Variants in SSBP3 observed in about 807,000 individuals in gnomAD.
The protein encoded by SSBP3 is single stranded DNA binding protein 3.
Under a neutral mutation model 69.6 loss-of-function variants are expected in SSBP3, and 5 were observed. That is an observed-to-expected ratio of 0.07 (90% confidence interval 0.04 to 0.15). The LOEUF (loss-of-function observed/expected upper bound fraction) is 0.15, where lower values mean the gene tolerates loss of function less well. Ranked by LOEUF, SSBP3 falls within the 10% of genes least tolerant of loss-of-function variation. The pLI is 1.00. For missense variants in SSBP3, 312 were observed against 534.0 expected (o/e 0.58, Z 4.10); for synonymous variants, 196 against 193.4 (o/e 1.01, Z -0.11).
intron 4 of SSBP3, among the ~76,000 whole-genome samples, chr1:54,339,226 G>C (rs1200298017): frequency 6.6e-6 from 1 of 152,144 alleles, no homozygotes; most frequent in African/African-American, 2.4e-5. Context: ...TTATCCCATG[G>C]GTTACTAGGA....
intron 4 of SSBP3, among the ~76,000 whole-genome samples, chr1:54,392,641 G>A (rs796546642): frequency 1.3e-5 from 2 of 152,272 alleles, no homozygotes; most frequent in African/African-American, 2.4e-5. Context: ...TCATTAAAAC[G>A]AGTACTTAGC....
At chr1:54,346,024 G>A (rs1468390548) in intron 4 of SSBP3, among the ~76,000 whole-genome samples, 1 of 151,884 alleles carries the variant, frequency 6.6e-6, no homozygotes, top group Non-Finnish European at 1.5e-5. Context: ...TTAGCCAAGT[G>A]TGGCAGCACA....
chr1:54,253,383 G>C (rs551620632), intron 7 of SSBP3, among the ~76,000 whole-genome samples: 1 of 151,472 alleles, frequency 6.6e-6, no homozygotes, highest in Non-Finnish European at 1.5e-5. Flanking sequence ...GTATTGATGG[G>C]GTCTCACTAT....
chr1:54,396,539 G>A (rs1487775776), intron 4 of SSBP3, among the ~76,000 whole-genome samples: 2 of 152,044 alleles, frequency 1.3e-5, no homozygotes, highest in African/African-American at 2.4e-5. Flanking sequence ...GAAGTCATGG[G>A]AAGGGGGCCA....
At chr1:54,279,478 T>C (rs1645352587) in intron 5 of SSBP3, among the ~76,000 whole-genome samples, 1 of 152,212 alleles carries the variant, frequency 6.6e-6, no homozygotes, top group African/African-American at 2.4e-5. Flanking sequence ...CAATGGCCTA[T>C]TTTTAAAACA....
chr1:54,228,939 G>A (rs985015298), intron 14 of SSBP3, 113 bp from the exon 15 acceptor site: 17 of 1,112,436 alleles, frequency 1.5e-5, no homozygotes, highest in African/African-American at 3.1e-5. Context: ...CCCCTGCTCC[G>A]GCAGGCTCTG....
chr1:54,360,158 A>G (rs1208820677), intron 4 of SSBP3, among the ~76,000 whole-genome samples: 1 of 152,140 alleles, frequency 6.6e-6, no homozygotes, highest in Non-Finnish European at 1.5e-5. Context: ...CTGCTGATTC[A>G]CCTATCTCCT....
At chr1:54,304,104 G>T (rs1358922390) in intron 4 of SSBP3, among the ~76,000 whole-genome samples, 1 of 152,142 alleles carries the variant, frequency 6.6e-6, no homozygotes, top group African/African-American at 2.4e-5. Context: ...TGTGGCAAAG[G>T]GGGTACTCCT....
chr1:54,390,905 C>A (rs138494553), intron 4 of SSBP3, among the ~76,000 whole-genome samples: 20 of 152,328 alleles, frequency 1.3e-4, no homozygotes, highest in African/African-American at 4.6e-4. Context: ...TAAAAGCCGG[C>A]GAGCAGAGAC....
intron 4 of SSBP3, among the ~76,000 whole-genome samples, chr1:54,333,099 A>C (rs1232048838): frequency 2.0e-5 from 3 of 152,050 alleles, no homozygotes; most frequent in Non-Finnish European, 2.9e-5. Context: ...ATCACCACTG[A>C]ACACACCACT....
chr1:54,279,627 A>G (rs551895189), intron 5 of SSBP3, among the ~76,000 whole-genome samples: 80 of 152,356 alleles, frequency 5.3e-4, no homozygotes, highest in Non-Finnish European at 8.8e-5. Flanking sequence ...CACGGAAGCC[A>G]CATCTGCACT....
intron 4 of SSBP3, among the ~76,000 whole-genome samples, chr1:54,375,900 C>G (rs1341817707): frequency 6.6e-6 from 1 of 152,124 alleles, no homozygotes; most frequent in East Asian, 1.9e-4. Context: ...CCCAGGGGGG[C>G]CACAAGGTGG....
chr1:54,229,305 T>C (rs548942477), intron 14 of SSBP3, among the ~76,000 whole-genome samples: 52 of 152,150 alleles, frequency 3.4e-4, no homozygotes, highest in Non-Finnish European at 7.2e-4. Flanking sequence ...AGGCTGGAGG[T>C]GGAGGAGCTG....
intron 4 of SSBP3, among the ~76,000 whole-genome samples, chr1:54,392,578 G>A (rs1416076532): frequency 6.6e-6 from 1 of 152,178 alleles, no homozygotes; most frequent in East Asian, 1.9e-4. Context: ...GTATTAATGG[G>A]TCACAGCTCA....
At chr1:54,257,376 A>G in intron 6 of SSBP3, 190 bp from the exon 7 acceptor site, 1 of 535,152 alleles carries the variant, frequency 1.9e-6, no homozygotes, top group Admixed American at 4.2e-5. Flanking sequence ...CACACAACAA[A>G]TGTGTCTCTT....
chr1:54,335,990 G>A (rs951563385), intron 4 of SSBP3: 1 of 152,272 alleles, frequency 6.6e-6, no homozygotes, highest in Non-Finnish European at 1.5e-5. Context: ...AGAGAGATGG[G>A]CGCCAATTCC....
chr1:54,264,659 T>C (rs1645070297), intron 5 of SSBP3, among the ~76,000 whole-genome samples: 1 of 152,168 alleles, frequency 6.6e-6, no homozygotes, highest in African/African-American at 2.4e-5. Flanking sequence ...GTGGGGAGTA[T>C]AGGCTATGAT....
At chr1:54,284,753 A>C (rs1385869763) in intron 4 of SSBP3, among the ~76,000 whole-genome samples, 1 of 152,094 alleles carries the variant, frequency 6.6e-6, no homozygotes, top group African/African-American at 2.4e-5. Flanking sequence ...ACAGGTGTGA[A>C]CCATCGTGTC....
intron 4 of SSBP3, among the ~76,000 whole-genome samples, chr1:54,293,241 C>A (rs1216008715): frequency 6.6e-6 from 1 of 152,002 alleles, no homozygotes; most frequent in African/African-American, 2.4e-5. Context: ...GCCAGAGCAC[C>A]CAAGAACACA....
Sources: allele counts gnomAD v4.1 joint callset (sites outside exome capture counted in the v4.1 genomes callset), GRCh38; gene constraint gnomAD v4.1.1; transcripts MANE v1.5; gene names NCBI Gene and HGNC (gene_info 2026-07-23, HGNC 2026-07-21).